The following ABCC1 variants were observed in gnomAD, a reference collection of about 807,000 sequenced individuals.
ABCC1 encodes ATP binding cassette subfamily C member 1 (ABCC1 blood group).
In ABCC1, 83 loss-of-function variants were observed where a neutral mutation model predicts 172.9. That is an observed-to-expected ratio of 0.48 (90% CI 0.40 to 0.58). The LOEUF is 0.58. Ranked by LOEUF, ABCC1 falls within the 20% of genes least tolerant of loss-of-function variation. The probability of loss-of-function intolerance (pLI) is 0.00; values close to 1 mark genes in which losing one functional copy is unlikely to be tolerated. For missense variants in ABCC1, 1,817 were observed against 2,002.7 expected (o/e 0.91, Z 1.77); for synonymous variants, 937 against 825.2 (o/e 1.14, Z -2.32).
rs773536538 is a variant in ABCC1 at position 16,056,285 on chromosome 16, C to T, written c.1667C>T (p.Thr556Met). 1.5e-5 allele frequency: 25 copies of T among 1,614,080 alleles called. No individual in the cohort carries two copies. The highest frequency in any genetic ancestry group is 8.3e-5 in the Admixed American group (5 of 60,008). Residue 556 changes from threonine (T) to methionine (M), a missense_variant, in exon 12 of 31, where the codon ACG becomes ATG. Thr to Met is a moderately conservative substitution (Grantham distance 81). This residue lies in a region of ABCC1 where 1,412 missense variants were observed against 1,600.3 expected (regional missense o/e 0.88). Transcript: ENST00000399410. ...SAVGTFTWVC[T>M]PFLVALCTFA... ...GTGGGCACCTTCACCTGGGTCTGCACGCCCTTTCTGGTGAGTGAAGCCACA... is the reference window on the plus strand; with the variant it reads ...GTGGGCACCTTCACCTGGGTCTGCATGCCCTTTCTGGTGAGTGAAGCCACA...
chr16:15,978,929 A>G (rs982685368), intron 1 of ABCC1, among the ~76,000 whole-genome samples: 4 of 152,152 alleles, frequency 2.6e-5, no homozygotes, highest in Non-Finnish European at 5.9e-5. Flanking sequence ...AGTAGTGTTG[A>G]GGGTGAGAAA....
In ABCC1 at chr16:16,007,936, C is replaced by G. The variant is rs199949505; in HGVS notation, c.169C>G (p.Leu57Val). Residue 57 changes from leucine to valine, a missense_variant, in exon 2 of 31, where the codon CTC (leucine) becomes GTC (valine). Transcript: ENST00000399410. ...CTGTTTCCCCTTCTACTTCCTCTATCTCTCCCGACATGACCGAGGCTACAT... is the reference window on the plus strand; with the variant it reads ...CTGTTTCCCCTTCTACTTCCTCTATGTCTCCCGACATGACCGAGGCTACAT... The part of the protein sequence containing the change: ...WACFPFYFLY[L>V]SRHDRGYIQM... 625 of 1,611,722 alleles carry G rather than the reference C, an allele frequency of 3.9e-4. 1 individual carries two copies. Among genetic ancestry groups the G allele is most frequent in the Non-Finnish European group, 4.9e-4 (582 of 1,179,486 alleles).
chr16:16,115,445 C>T (rs572331317), intron 23 of ABCC1, among the ~76,000 whole-genome samples: 198 of 152,138 alleles, frequency 1.3e-3, no homozygotes, highest in African/African-American at 4.5e-3. Flanking sequence ...ACCTCCACCT[C>T]CCAGTTCAAG....
intron 24 of ABCC1, among the ~76,000 whole-genome samples, chr16:16,124,451 G>A (rs964734618): frequency 6.0e-5 from 9 of 150,888 alleles, no homozygotes; most frequent in African/African-American, 2.2e-4. Flanking sequence ...CACTACGCCC[G>A]GCCTATGTGT....
At chr16:16,104,114 G>T (rs553424631) in intron 20 of ABCC1, among the ~76,000 whole-genome samples, 1 of 152,036 alleles carries the variant, frequency 6.6e-6, no homozygotes, top group African/African-American at 2.4e-5. Context: ...AGACCTTGAT[G>T]GTGAGTGTTA....
rs953705300 is a variant in ABCC1 at position 16,081,995 on chromosome 16, G to A, written c.2116-1371G>A. Among the ~76,000 whole-genome samples, 7 of 152,274 alleles carry A rather than the reference G, an allele frequency of 4.6e-5. No homozygotes were observed. The South Asian group carries it at 1.2e-3, about 27-fold the overall frequency. On this transcript the variant is annotated intron_variant, in intron 16 of 30. Transcript: ENST00000399410. ...ATCTTGACACTGTATTCCAGCCTGA[G>A]CGACAGCAAGGCTTCGTTTCAAAAA... is the stretch of plus-strand genomic sequence containing the variant.
chr16:16,000,610 A>T (rs144321841), intron 1 of ABCC1, among the ~76,000 whole-genome samples: 34 of 151,036 alleles, frequency 2.3e-4, no homozygotes, highest in African/African-American at 7.5e-4. Flanking sequence ...TAATTGTTAA[A>T]TTTTTTCAAA....
intron 21 of ABCC1, among the ~76,000 whole-genome samples, chr16:16,111,122 G>C (rs4780591): frequency 0.35 from 52,594 of 152,018 alleles, 9,704 homozygotes; most frequent in African/African-American, 0.47. Flanking sequence ...TGGTCTCGAA[G>C]TCTCTACCTC....
intron 1 of ABCC1, among the ~76,000 whole-genome samples, chr16:15,955,866 C>T (rs1475651760): frequency 2.0e-5 from 3 of 152,140 alleles, no homozygotes; most frequent in Non-Finnish European, 4.4e-5. Flanking sequence ...GGCTGTAATC[C>T]CAGCACCTAG....
chr16:16,041,801 C>G (rs966790850), intron 7 of ABCC1, among the ~76,000 whole-genome samples: 2 of 152,034 alleles, frequency 1.3e-5, no homozygotes, highest in African/African-American at 4.8e-5. Flanking sequence ...GACTCCTTCT[C>G]AAAAGTCAGG....
At chr16:16,045,709 A>G (rs1012762835) in intron 8 of ABCC1, 127 bp from the exon 9 acceptor site, 68 of 945,528 alleles carry the variant, frequency 7.2e-5, no homozygotes, top group South Asian at 4.0e-4. Context: ...TTTTCCATCT[A>G]TGAAATTGAA....
chr16:15,994,492 T>C (rs1047157262), intron 1 of ABCC1, among the ~76,000 whole-genome samples: 1 of 152,192 alleles, frequency 6.6e-6, no homozygotes, highest in Non-Finnish European at 1.5e-5. Context: ...GTGCCTGGCG[T>C]GATCACTCTG....
intron 2 of ABCC1, among the ~76,000 whole-genome samples, chr16:16,009,295 T>G (rs946046296): frequency 3.7e-4 from 57 of 152,338 alleles, no homozygotes; most frequent in African/African-American, 1.1e-3. Flanking sequence ...TGTTTTATCA[T>G]GAGCTTTTGT....
At chr16:16,015,131 C>CTT (rs10694441) in intron 4 of ABCC1, among the ~76,000 whole-genome samples, 19,152 of 124,402 alleles carry the variant, frequency 0.15, 2,165 homozygotes, top group African/African-American at 0.27. Context: ...GGAGTGTGCA[C>CTT]TTTTTTTTTT....
chr16:15,975,939 G>A (rs1334395230), intron 1 of ABCC1, among the ~76,000 whole-genome samples: 1 of 152,036 alleles, frequency 6.6e-6, no homozygotes, highest in Non-Finnish European at 1.5e-5. Context: ...TGCTTTGGGG[G>A]GAAATGACAG....
intron 30 of ABCC1, among the ~76,000 whole-genome samples, 156 bp downstream of exon 30, chr16:16,138,714 C>CTTTTTTTTTT (rs397973927): frequency 7.7e-6 from 1 of 129,690 alleles, no homozygotes. Flanking sequence ...CCAGCTATTT[C>CTTTTTTTTTT]TTTTTTTTTT....
At chr16:16,025,428 A>G (rs1314075484) in intron 5 of ABCC1, among the ~76,000 whole-genome samples, 3 of 152,174 alleles carry the variant, frequency 2.0e-5, no homozygotes, top group African/African-American at 7.2e-5. Context: ...GCGGTTCCCA[A>G]CAAGTTCCCA....
At chr16:16,039,272 T>A (rs866261096) in intron 7 of ABCC1, among the ~76,000 whole-genome samples, 1 of 97,486 alleles carries the variant, frequency 1.0e-5, no homozygotes, top group African/African-American at 6.7e-5. Flanking sequence ...TTTTCTTTTT[T>A]TTTTTTTTTT....
chr16:16,132,603 C>T (rs1001582673), intron 27 of ABCC1, among the ~76,000 whole-genome samples: 11 of 129,388 alleles, frequency 8.5e-5, no homozygotes, highest in Non-Finnish European at 1.1e-4. Context: ...CTCACTGCAA[C>T]TTCTGCCTCC....
Sources: allele counts gnomAD v4.1 joint callset (sites outside exome capture counted in the v4.1 genomes callset), GRCh38; gene constraint gnomAD v4.1.1; regional missense constraint gnomAD v4.1.1; transcripts MANE v1.5; gene names NCBI Gene and HGNC (gene_info 2026-07-23, HGNC 2026-07-21).